GSE1: variants seen among roughly 807,000 people sequenced by gnomAD.
GSE1 encodes genetic suppressor element 1.
In GSE1, 32 loss-of-function variants were observed where a neutral mutation model predicts 112.6. The ratio of observed to expected loss-of-function variants is 0.28; its 90% CI spans 0.21 to 0.38. The LOEUF is 0.38. Among genes scored for constraint, GSE1 ranks in the 10% least tolerant of loss-of-function variants. The pLI, the probability that GSE1 is intolerant of heterozygous loss-of-function variation, is 1.00. For missense variants in GSE1, 2,348 were observed against 1,699.2 expected (o/e 1.38, Z -6.71); for synonymous variants, 1,115 against 735.6 (o/e 1.52, Z -8.35).
At chr16:85,205,210 A>G (rs922615492) in intron 1 of GSE1, among the ~76,000 whole-genome samples, 4 of 151,718 alleles carry the variant, frequency 2.6e-5, no homozygotes, top group East Asian at 1.9e-4. Flanking sequence ...GCTCACTGCA[A>G]CCTCCGCCTC....
At chr16:85,640,824 G>A (rs993614519) in intron 2 of GSE1, among the ~76,000 whole-genome samples, 34 of 152,258 alleles carry the variant, frequency 2.2e-4, no homozygotes, top group African/African-American at 7.0e-4. Context: ...CTCTGCAGGC[G>A]TCTGGAGCCC....
At chr16:85,542,885 A>G (rs771457448) in intron 2 of GSE1, among the ~76,000 whole-genome samples, 11 of 152,194 alleles carry the variant, frequency 7.2e-5, no homozygotes, top group Non-Finnish European at 1.5e-4. Flanking sequence ...CCCTCATTAC[A>G]TGACCTGAGA....
At chr16:85,534,791 C>T (rs2044268342) in intron 2 of GSE1, among the ~76,000 whole-genome samples, 1 of 152,214 alleles carries the variant, frequency 6.6e-6, no homozygotes, top group African/African-American at 2.4e-5. Flanking sequence ...CGTTGCTCCC[C>T]TGTCTGTGAC....
intron 2 of GSE1, among the ~76,000 whole-genome samples, chr16:85,482,514 AAATC>A (rs2050712737): frequency 6.6e-6 from 1 of 152,062 alleles, no homozygotes. Context: ...CCCCCAAATA[AAATC>A]CTGGTAACAA....
chr16:85,242,636 C>G (rs763532550), intron 1 of GSE1, among the ~76,000 whole-genome samples: 10 of 152,294 alleles, frequency 6.6e-5, no homozygotes, highest in Non-Finnish European at 1.3e-4. Flanking sequence ...GCAGGGAGGG[C>G]TGGATGGGGA....
At chr16:85,627,460 C>A (rs1340467715) in intron 1 of GSE1, among the ~76,000 whole-genome samples, 7 of 151,294 alleles carry the variant, frequency 4.6e-5, no homozygotes, top group African/African-American at 1.2e-4. Context: ...GCCGAGGGGC[C>A]TTTAGGTGTC....
chr16:85,310,010 G>C (rs965718555), intron 1 of GSE1, among the ~76,000 whole-genome samples: 1 of 152,264 alleles, frequency 6.6e-6, no homozygotes, highest in Non-Finnish European at 1.5e-5. Flanking sequence ...GGAACAGAGC[G>C]TGTCTTTGTT....
intron 1 of GSE1, among the ~76,000 whole-genome samples, chr16:85,617,254 C>T (rs1273600228): frequency 6.6e-6 from 1 of 152,160 alleles, no homozygotes; most frequent in African/African-American, 2.4e-5. Flanking sequence ...TGAGAGCTGC[C>T]CCCGGGAGGC....
chr16:85,267,064 G>A (rs966250927), intron 1 of GSE1, among the ~76,000 whole-genome samples: 3 of 152,206 alleles, frequency 2.0e-5, no homozygotes, highest in Middle Eastern at 3.2e-3. Flanking sequence ...CAGGGGATGC[G>A]TCTCCCGCTC....
intron 2 of GSE1, among the ~76,000 whole-genome samples, chr16:85,421,630 C>A (rs749365825): frequency 6.6e-6 from 1 of 152,130 alleles, no homozygotes; most frequent in Non-Finnish European, 1.5e-5. Flanking sequence ...TTTGCAGGCC[C>A]GAGCTTGTGA....
At chr16:85,271,261 G>C (rs1489102491) in intron 1 of GSE1, among the ~76,000 whole-genome samples, 1 of 152,130 alleles carries the variant, frequency 6.6e-6, no homozygotes, top group Non-Finnish European at 1.5e-5. Context: ...TTGCCCACCA[G>C]GGTGACTGGC....
intron 1 of GSE1, among the ~76,000 whole-genome samples, chr16:85,177,430 C>T (rs2074489901): frequency 6.6e-6 from 1 of 152,198 alleles, no homozygotes; most frequent in Admixed American, 6.5e-5. Context: ...CGGAGAAGAG[C>T]GTTGCAGGAC....
At chr16:85,497,969 T>G (rs2051235772) in intron 2 of GSE1, among the ~76,000 whole-genome samples, 2 of 146,864 alleles carry the variant, frequency 1.4e-5, no homozygotes, top group African/African-American at 2.5e-5. Flanking sequence ...AGCTGGGAGG[T>G]GGGGGAGCGG....
At chr16:85,593,179 G>C (rs575312495) in intron 1 of GSE1, 3 of 152,330 alleles carry the variant, frequency 2.0e-5, no homozygotes, top group Non-Finnish European at 2.9e-5. Context: ...CTGGTCTATC[G>C]AGTGGGTCAT....
At chr16:85,568,417 G>A (rs1434876523) in intron 1 of GSE1, among the ~76,000 whole-genome samples, 1 of 152,252 alleles carries the variant, frequency 6.6e-6, no homozygotes, top group Admixed American at 6.5e-5. Flanking sequence ...TCTTGTCACA[G>A]AGGCAAGATG....
At chr16:85,366,014 C>T (rs868077930) in intron 2 of GSE1, among the ~76,000 whole-genome samples, 4 of 152,182 alleles carry the variant, frequency 2.6e-5, no homozygotes, top group East Asian at 1.9e-4. Context: ...GCCCTGGCAG[C>T]GACAGAGAGC....
chr16:85,213,039 G>A (rs2075251704), intron 1 of GSE1, among the ~76,000 whole-genome samples: 2 of 152,138 alleles, frequency 1.3e-5, no homozygotes. Context: ...GGGAGGCCAA[G>A]GTGGGCAGAT....
At chr16:85,472,715 C>CT (rs1194407030) in intron 2 of GSE1, among the ~76,000 whole-genome samples, 1 of 152,238 alleles carries the variant, frequency 6.6e-6, no homozygotes, top group Non-Finnish European at 1.5e-5. Flanking sequence ...GCGGCTCTGT[C>CT]TGCTTCTGCC....
intron 1 of GSE1, among the ~76,000 whole-genome samples, chr16:85,319,366 G>A (rs2046051575): frequency 6.6e-6 from 1 of 152,180 alleles, no homozygotes. Flanking sequence ...AGGCTGCAGT[G>A]AGCCGGGCAG....
Sources: gnomAD v4.1 joint callset for allele counts (sites outside exome capture counted in the v4.1 genomes callset) on GRCh38, gnomAD v4.1.1 for gene constraint, MANE v1.5 for transcripts, NCBI Gene and HGNC (gene_info 2026-07-23, HGNC 2026-07-21) for gene names.